Variants in CUTC observed in about 807,000 individuals in gnomAD.
CUTC encodes the protein cutC copper transporter.
CUTC carries 27 observed loss-of-function variants against 36.2 expected under a neutral mutation model. The ratio of observed to expected loss-of-function variants is 0.75; its 90% CI spans 0.55 to 1.03. The LOEUF is 1.03. CUTC is among the 50% of genes least tolerant of loss of function. The probability of loss-of-function intolerance (pLI) is 0.00; values close to 1 mark genes in which losing one functional copy is unlikely to be tolerated. For synonymous variants in CUTC, 114 were observed against 118.3 expected, an observed-to-expected ratio of 0.96 and a Z score of 0.24; for missense variants, 315 against 343.5, an observed-to-expected ratio of 0.92 and a Z score of 0.66.
intron 1 of CUTC, among the ~76,000 whole-genome samples, chr10:99,734,048 G>C (rs1454175727): frequency 1.4e-5 from 2 of 148,040 alleles, no homozygotes; most frequent in African/African-American, 2.5e-5. Flanking sequence ...CCCTTTCACA[G>C]TTTGGGACTG....
Position 99,732,454 on chromosome 10 carries a change from C to T in CUTC, c.61+45C>T, listed in dbSNP as rs1402066677. The T allele has an allele frequency of 5.8e-6, 9 of 1,547,198 alleles. No individual in the cohort carries two copies. The Admixed American group carries it at 7.9e-5, about 14-fold the overall frequency. The stretch of plus-strand genomic sequence containing the variant: ...AGGGGACGGTCGGCCGAAGGCTCCC[C>T]GGGGCGGGCCGGCGGGAGTCGTAGT... On this transcript the variant is annotated intron_variant, in intron 1 of 8. Transcript: ENST00000370476.
intron 6 of CUTC, among the ~76,000 whole-genome samples, chr10:99,750,073 T>G (rs913965082): frequency 2.0e-5 from 3 of 152,052 alleles, no homozygotes; most frequent in Non-Finnish European, 4.4e-5. Context: ...GAAATATGAC[T>G]TAGAATTGGG....
intron 2 of CUTC, among the ~76,000 whole-genome samples, chr10:99,739,423 TTATTC>T (rs2037322102): frequency 6.6e-6 from 1 of 152,204 alleles, no homozygotes; most frequent in South Asian, 2.1e-4. Context: ...AGAAACATCT[TTATTC>T]TATGTTACTT....
chr10:99,744,303 A>C (rs2037362763), intron 5 of CUTC, among the ~76,000 whole-genome samples: 1 of 152,102 alleles, frequency 6.6e-6, no homozygotes, highest in African/African-American at 2.4e-5. Context: ...GTGGGATATA[A>C]GAGAGCGAGG....
chr10:99,732,668 A>T (rs761902219), intron 1 of CUTC: 65 of 1,361,846 alleles, frequency 4.8e-5, no homozygotes, highest in Non-Finnish European at 5.8e-5. Context: ...GACCTTGTGC[A>T]AGTTGGTTAA....
Position 99,743,258 on chromosome 10 carries a change from A to G in CUTC, c.299A>G (p.Lys100Arg). The change falls in exon 4 of 9, where the codon AAG (lysine) becomes AGG (arginine). Residue 100 changes from lysine to arginine, a missense_variant. By Grantham distance (26) the Lys-to-Arg change is conservative. Transcript: ENST00000370476. ...LYSDREIEVM[K>R]ADIRLAKLYG... is the part of the protein sequence containing the mutation. ...TCAGATCGTGAAATTGAGGTGATGAAGGCTGACATTCGTCTTGCCAAGCTT... is the reference window on the plus strand; with the variant it reads ...TCAGATCGTGAAATTGAGGTGATGAGGGCTGACATTCGTCTTGCCAAGCTT... 1 of 1,614,144 alleles carries G rather than the reference A, an allele frequency of 6.2e-7. No individual in the cohort carries two copies. The highest frequency in any genetic ancestry group is 8.5e-7 in the Non-Finnish European group (1 of 1,180,022).
chr10:99,736,992 G>A (rs952504313), intron 2 of CUTC, among the ~76,000 whole-genome samples: 6 of 152,070 alleles, frequency 3.9e-5, no homozygotes, highest in Admixed American at 1.3e-4. Flanking sequence ...AACATCAGCC[G>A]GGTGCAGTGG....
intron 8 of CUTC, among the ~76,000 whole-genome samples, chr10:99,755,080 A>G (rs2037444889): frequency 6.6e-6 from 1 of 152,236 alleles, no homozygotes; most frequent in African/African-American, 2.4e-5. Flanking sequence ...TTATATTACC[A>G]TTAAGAAATT....
chr10:99,754,745 A>G, intron 8 of CUTC, 111 bp downstream of exon 8: 1 of 716,586 alleles, frequency 1.4e-6, no homozygotes, highest in Non-Finnish European at 2.4e-6. Context: ...TATTGTGACT[A>G]CTACATAAGT....
chr10:99,738,767 A>G (rs904606324), intron 2 of CUTC, among the ~76,000 whole-genome samples: 9 of 152,124 alleles, frequency 5.9e-5, no homozygotes, highest in Non-Finnish European at 1.2e-4. Context: ...AGGACATAAC[A>G]TGTTGGTTTT....
intron 4 of CUTC, 138 bp from the exon 5 acceptor site, chr10:99,743,899 C>A (rs1564656615): frequency 5.1e-6 from 3 of 586,704 alleles, no homozygotes; most frequent in Non-Finnish European, 8.6e-6. Flanking sequence ...GTAAGGCTGC[C>A]ATTTTATTAT....
At chr10:99,753,339 A>C (rs1165971603) in intron 7 of CUTC, among the ~76,000 whole-genome samples, 1 of 152,250 alleles carries the variant, frequency 6.6e-6, no homozygotes, top group Admixed American at 6.5e-5. Flanking sequence ...ATCTAAGATC[A>C]CATAGCTGTG....
intron 1 of CUTC, 136 bp from the exon 2 acceptor site, chr10:99,736,110 C>T (rs2037294511): frequency 1.6e-6 from 1 of 631,616 alleles, no homozygotes; most frequent in African/African-American, 1.8e-5. Flanking sequence ...TTATTGCATT[C>T]ATGGGCCCTA....
chr10:99,732,276 T>C lies in CUTC; in HGVS notation c.-73T>C. On this transcript the variant is annotated 5_prime_UTR_variant, in exon 1 of 9. Transcript: ENST00000370476. The stretch of plus-strand genomic sequence containing the variant: ...GGGCGCGCGCAGCTGTTGACGCGCT[T>C]CTTAGCTGGTGCGCGCCGGAGCCCA... The C allele has an allele frequency of 6.5e-7, 1 of 1,545,992 alleles. No homozygotes were observed. The highest frequency in any genetic ancestry group is 8.7e-7 in the Non-Finnish European group (1 of 1,144,778).
At chr10:99,740,556 T>G (rs1452327704) in intron 3 of CUTC, among the ~76,000 whole-genome samples, 2 of 152,138 alleles carry the variant, frequency 1.3e-5, no homozygotes, top group African/African-American at 4.8e-5. Flanking sequence ...TACCTACTTT[T>G]AAGATTTTTT....
chr10:99,747,536 C>T (rs1337246771), intron 6 of CUTC, 146 bp downstream of exon 6: 2 of 834,974 alleles, frequency 2.4e-6, no homozygotes, highest in Admixed American at 3.2e-5. Flanking sequence ...GTATATAATT[C>T]TTATTTCTTT....
chr10:99,751,429 C>T (rs371343035), intron 7 of CUTC, among the ~76,000 whole-genome samples: 3 of 152,280 alleles, frequency 2.0e-5, no homozygotes, highest in Non-Finnish European at 4.4e-5. Flanking sequence ...TAGCCTCAAG[C>T]GATCCTCCTG....
At chr10:99,751,509 A>G (rs1176255802) in intron 7 of CUTC, among the ~76,000 whole-genome samples, 1 of 151,956 alleles carries the variant, frequency 6.6e-6, no homozygotes, top group Admixed American at 6.6e-5. Context: ...CTTTTAAAAT[A>G]TCTTTAATAT....
Position 99,732,327 on chromosome 10 carries a change from A to T in CUTC, c.-22A>T. Reference sequence around the variant, plus strand: ...AATTCCAAGTGGAAACTGCAGGCGCACGAGGGAGGAACGCGTGGAGCATGA... The same window carrying T: ...AATTCCAAGTGGAAACTGCAGGCGCTCGAGGGAGGAACGCGTGGAGCATGA... On this transcript the variant is annotated 5_prime_UTR_variant, in exon 1 of 9. Coordinates refer to ENST00000370476, the MANE Select transcript of CUTC (RefSeq NM_015960.3). 1.3e-6 allele frequency: 2 copies of T among 1,551,406 alleles called. No homozygotes were observed. Among genetic ancestry groups the T allele is most frequent in the Non-Finnish European group, 1.7e-6 (2 of 1,147,164 alleles).
Sources: gnomAD v4.1 joint callset for allele counts (sites outside exome capture counted in the v4.1 genomes callset) on GRCh38, gnomAD v4.1.1 for gene constraint, MANE v1.5 for transcripts, NCBI Gene and HGNC (gene_info 2026-07-23, HGNC 2026-07-21) for gene names.